The following PTPRE variants were observed in gnomAD, a reference collection of about 807,000 sequenced individuals.
PTPRE encodes the protein protein tyrosine phosphatase receptor type E.
In PTPRE, 51 loss-of-function variants were observed where a neutral mutation model predicts 102.0. The observed-to-expected ratio is 0.50, with a 90% confidence interval of 0.40 to 0.63. PTPRE has a LOEUF of 0.63. Among genes scored for constraint, PTPRE ranks in the 30% least tolerant of loss-of-function variants. The probability of loss-of-function intolerance (pLI) is 0.00; values close to 1 mark genes in which losing one functional copy is unlikely to be tolerated. For missense variants in PTPRE, 752 were observed against 915.1 expected (o/e 0.82, Z 2.30); for synonymous variants, 345 against 348.2 (o/e 0.99, Z 0.10).
At chr10:127,981,329 T>C (rs564743937) in intron 1 of PTPRE, among the ~76,000 whole-genome samples, 1 of 152,218 alleles carries the variant, frequency 6.6e-6, no homozygotes, top group East Asian at 1.9e-4. Flanking sequence ...TGGGAGCTAG[T>C]GAGCTAATAG....
chr10:127,913,656 C>T (rs1190019796), intron 1 of PTPRE, among the ~76,000 whole-genome samples: 3 of 152,152 alleles, frequency 2.0e-5, no homozygotes, highest in African/African-American at 4.8e-5. Context: ...CTAACATGCA[C>T]AAGGGCGCTC....
Position 127,979,596 on chromosome 10 carries a change from G to A in PTPRE, c.-30-2678G>A, listed in dbSNP as rs991257861. Among the ~76,000 whole-genome samples the A allele has an allele frequency of 2.0e-5, 3 of 152,220 alleles. No individual in the cohort carries two copies. In the East Asian group the frequency reaches 5.8e-4, roughly 29 times the overall value. Reference sequence around the variant, plus strand: ...GGAGGCTGAGGCAAGAGGACTGCTTGAGCCCAGGAGGTTGAGGCTGCAGTG... The same window carrying A: ...GGAGGCTGAGGCAAGAGGACTGCTTAAGCCCAGGAGGTTGAGGCTGCAGTG... On this transcript the variant is annotated intron_variant, in intron 1 of 20. Transcript: ENST00000254667.
chr10:128,051,336 G>A (rs1848550618), intron 6 of PTPRE, among the ~76,000 whole-genome samples: 1 of 152,096 alleles, frequency 6.6e-6, no homozygotes, highest in African/African-American at 2.4e-5. Flanking sequence ...CTCAGCAGTG[G>A]GATAAATTAT....
chr10:128,059,434 G>C (rs905175359), intron 7 of PTPRE, among the ~76,000 whole-genome samples: 1 of 152,194 alleles, frequency 6.6e-6, no homozygotes, highest in Admixed American at 6.5e-5. Context: ...CAGCCTTCCA[G>C]GTGAAGGTGA....
chr10:127,980,959 G>A (rs1022672683), intron 1 of PTPRE, among the ~76,000 whole-genome samples: 1 of 152,060 alleles, frequency 6.6e-6, no homozygotes, highest in African/African-American at 2.4e-5. Context: ...GTGCAGTGAC[G>A]ACTGAGCAAG....
At chr10:128,020,673 G>A (rs1845798977) in intron 2 of PTPRE, among the ~76,000 whole-genome samples, 2 of 152,192 alleles carry the variant, frequency 1.3e-5, no homozygotes, top group African/African-American at 4.8e-5. Flanking sequence ...TTACTCTTCT[G>A]CTCACTGCCC....
intron 20 of PTPRE, among the ~76,000 whole-genome samples, chr10:128,082,577 CACAG>C (rs1347338786): frequency 6.6e-6 from 1 of 151,778 alleles, no homozygotes; most frequent in Non-Finnish European, 1.5e-5. Flanking sequence ...ATGTGAAAGC[CACAG>C]ACATTTAACT....
At chr10:127,911,621 C>T (rs1483977045) in intron 1 of PTPRE, among the ~76,000 whole-genome samples, 3 of 152,206 alleles carry the variant, frequency 2.0e-5, no homozygotes, top group African/African-American at 7.2e-5. Context: ...TGCTGCACTT[C>T]CGCCCGATTT....
chr10:127,997,757 A>C (rs544052633), intron 2 of PTPRE, among the ~76,000 whole-genome samples: 1 of 152,364 alleles, frequency 6.6e-6, no homozygotes, highest in South Asian at 2.1e-4. Context: ...TAGGCATATT[A>C]CTTCTGCTTT....
Position 127,923,398 on chromosome 10 carries a change from AT to A in PTPRE, c.-31+16112del, listed in dbSNP as rs35994733. On this transcript the variant is annotated intron_variant, in intron 1 of 20. Transcript: ENST00000254667. ...GATCCTGATGTGAAAACCAGTTTGAATTTTTTTTTTTTTTTTTTTTTTTGAG... is the reference window on the plus strand; with the variant it reads ...GATCCTGATGTGAAAACCAGTTTGAATTTTTTTTTTTTTTTTTTTTTTGAG... Among the ~76,000 whole-genome samples the A allele has an allele frequency of 8.4e-3, 903 of 106,912 alleles. 3 individuals carry two copies. Among genetic ancestry groups the A allele is most frequent in the Middle Eastern group, 0.017 (3 of 178 alleles). 70.1% of individuals were successfully genotyped at this position (106,912 alleles called of 152,430 possible).
intron 1 of PTPRE, among the ~76,000 whole-genome samples, chr10:127,940,128 A>G (rs987438704): frequency 1.3e-5 from 2 of 151,876 alleles, no homozygotes; most frequent in Non-Finnish European, 2.9e-5. Context: ...AGGTGGAGGC[A>G]GGAGACAGGA....
At chr10:128,038,340 A>G (rs963766002) in intron 2 of PTPRE, among the ~76,000 whole-genome samples, 1 of 152,342 alleles carries the variant, frequency 6.6e-6, no homozygotes, top group African/African-American at 2.4e-5. Context: ...TCATGCTGCT[A>G]TCAAGACACA....
intron 1 of PTPRE, among the ~76,000 whole-genome samples, chr10:127,908,083 C>T (rs1564787644): frequency 6.6e-6 from 1 of 152,226 alleles, no homozygotes; most frequent in East Asian, 1.9e-4. Context: ...ACCTAAATTC[C>T]TTCCAGGCAT....
At position 127,944,469 on chromosome 10, in the gene PTPRE, C is replaced by CGGATGGATGGAT. The variant is rs1229409414; in HGVS notation, c.-31+37195_-31+37206dup. Among the ~76,000 whole-genome samples the CGGATGGATGGAT allele has an allele frequency of 7.7e-5, 2 of 25,964 alleles. No individual in the cohort carries two copies. The highest frequency in any genetic ancestry group is 1.6e-3 in the South Asian group (1 of 642). The allele number at this position is 25,964 out of a possible 152,430, so 17.0% of individuals were successfully genotyped here. A position where few individuals can be genotyped will look rare whatever the true frequency, so the allele number is the denominator to read the frequency against. ...ACAGATGGATGGATACATGGACAGA[C>CGGATGGATGGAT]GGATGGATGGATGGATGGATGGATG... On this transcript the variant is annotated intron_variant, in intron 1 of 20. Coordinates refer to ENST00000254667, the MANE Select transcript of PTPRE (RefSeq NM_006504.6). This position sits in a 1 kb window ranked among gnomAD's most constrained non-coding sequence, Gnocchi z 4.2.
At position 128,073,484 on chromosome 10, in the gene PTPRE, G is replaced by T. The variant is rs78196136; in HGVS notation, c.1599+13G>T. The T allele has an allele frequency of 6.2e-7, 1 of 1,607,892 alleles. No individual in the cohort carries two copies. The highest frequency in any genetic ancestry group is 8.5e-7 in the Non-Finnish European group (1 of 1,178,610). ...GGAGAGAGAGCAGGTGAGGAGTGCC[G>T]CCCAGCCCGGTCCCTCCAGGGCAGC... is the stretch of plus-strand genomic sequence containing the variant. On this transcript the variant is annotated intron_variant, in intron 17 of 20. Transcript: ENST00000254667.
chr10:128,019,002 C>G (rs934965995), intron 2 of PTPRE, among the ~76,000 whole-genome samples: 1 of 152,222 alleles, frequency 6.6e-6, no homozygotes, highest in African/African-American at 2.4e-5. Flanking sequence ...ATCAAGGACT[C>G]CAGTGGGTCA....
intron 10 of PTPRE, among the ~76,000 whole-genome samples, chr10:128,064,000 G>A (rs576047118): frequency 4.4e-4 from 67 of 152,314 alleles, no homozygotes; most frequent in Non-Finnish European, 8.7e-4. Flanking sequence ...CGGTTCAGTG[G>A]GAGCCGTGTG....
At chr10:127,927,521 G>A (rs1847119369) in intron 1 of PTPRE, among the ~76,000 whole-genome samples, 1 of 152,172 alleles carries the variant, frequency 6.6e-6, no homozygotes, top group Admixed American at 6.5e-5. Flanking sequence ...AGTTGTTCAG[G>A]GCCATGTAAC....
chr10:127,999,835 A>G (rs1853683920), intron 2 of PTPRE: 3 of 985,252 alleles, frequency 3.0e-6, no homozygotes, highest in Admixed American at 6.1e-5. Context: ...TCAGTAAATG[A>G]TGTATTGCCT....
Sources: allele counts gnomAD v4.1 joint callset (sites outside exome capture counted in the v4.1 genomes callset), GRCh38; gene constraint gnomAD v4.1.1; non-coding constraint Gnocchi (gnomAD v3.1); transcripts MANE v1.5; gene names NCBI Gene and HGNC (gene_info 2026-07-23, HGNC 2026-07-21).